Variants in FBXL17 observed in about 807,000 individuals in gnomAD.
The protein encoded by FBXL17 is F-box/LRR-repeat protein 17.
A neutral mutation model predicts 66.2 loss-of-function variants in FBXL17; 22 were observed. The ratio of observed to expected loss-of-function variants is 0.33; its 90% CI spans 0.24 to 0.47. The LOEUF is 0.47. Ranked by LOEUF, FBXL17 falls within the 20% of genes least tolerant of loss-of-function variation. FBXL17 has a pLI of 1.00. For synonymous variants in FBXL17, 474 were observed against 400.5 expected, an observed-to-expected ratio of 1.18 and a Z score of -2.19; for missense variants, 878 against 948.2, an observed-to-expected ratio of 0.93 and a Z score of 0.97.
At chr5:108,005,906 G>A (rs1348427414) in intron 7 of FBXL17, among the ~76,000 whole-genome samples, 1 of 152,136 alleles carries the variant, frequency 6.6e-6, no homozygotes, top group East Asian at 1.9e-4. Context: ...CCTTATACTT[G>A]AGCCTTCATC....
At chr5:108,160,979 GAGA>G (rs1752188765) in intron 6 of FBXL17, among the ~76,000 whole-genome samples, 1 of 152,114 alleles carries the variant, frequency 6.6e-6, no homozygotes, top group Non-Finnish European at 1.5e-5. Context: ...TTGGGCCTCT[GAGA>G]AGGTCAACTA....
At chr5:108,132,143 A>G (rs146384429) in intron 6 of FBXL17, among the ~76,000 whole-genome samples, 1,987 of 152,022 alleles carry the variant, frequency 0.013, 40 homozygotes, top group African/African-American at 0.044. Context: ...CGCCCAGCTA[A>G]TTTTGTATTT....
intron 6 of FBXL17, among the ~76,000 whole-genome samples, chr5:108,072,153 C>A (rs997750718): frequency 6.6e-6 from 1 of 152,058 alleles, no homozygotes; most frequent in African/African-American, 2.4e-5. Flanking sequence ...TATGTTTATG[C>A]CAGCAACACT....
chr5:108,361,539 C>G (rs982474773), intron 3 of FBXL17, among the ~76,000 whole-genome samples: 1 of 151,990 alleles, frequency 6.6e-6, no homozygotes, highest in African/African-American at 2.4e-5. Context: ...GGCATGCATG[C>G]GGCTTTCAAA....
At chr5:107,924,060 G>GT (rs34494908) in intron 7 of FBXL17, among the ~76,000 whole-genome samples, 1,752 of 107,498 alleles carry the variant, frequency 0.016, 17 homozygotes, top group African/African-American at 0.035. Context: ...TGAGCTTAGT[G>GT]TTTTTTTTTT....
At chr5:108,160,471 C>G (rs1014718919) in intron 6 of FBXL17, among the ~76,000 whole-genome samples, 1 of 152,130 alleles carries the variant, frequency 6.6e-6, no homozygotes, top group Admixed American at 6.5e-5. Flanking sequence ...GAAGAAAGTT[C>G]TCAGTTAGTA....
intron 1 of FBXL17, among the ~76,000 whole-genome samples, chr5:108,376,276 G>GGCTAGA (rs1749416345): frequency 6.6e-6 from 1 of 152,062 alleles, no homozygotes; most frequent in South Asian, 2.1e-4. Context: ...TTCTGGCTAG[G>GGCTAGA]GCAATTAGAC....
At chr5:107,946,305 A>G (rs1463537986) in intron 7 of FBXL17, among the ~76,000 whole-genome samples, 1 of 88,814 alleles carries the variant, frequency 1.1e-5, no homozygotes, top group Non-Finnish European at 2.2e-5. Context: ...ATATATATAT[A>G]TATATTAGTG....
intron 4 of FBXL17, among the ~76,000 whole-genome samples, chr5:108,285,205 C>G (rs898889092): frequency 6.6e-6 from 1 of 151,804 alleles, no homozygotes. Context: ...CTATTTCTAC[C>G]AGATCTACAG....
intron 7 of FBXL17, among the ~76,000 whole-genome samples, chr5:107,985,451 C>T (rs1049224968): frequency 7.2e-5 from 11 of 152,034 alleles, no homozygotes; most frequent in Admixed American, 5.9e-4. Context: ...CCTTGGAGAA[C>T]ATTCTGTCTT....
chr5:108,108,232 T>C (rs115919385), intron 6 of FBXL17, among the ~76,000 whole-genome samples: 1,669 of 152,332 alleles, frequency 0.011, 40 homozygotes, highest in African/African-American at 0.038. Flanking sequence ...TTACCAACTA[T>C]GTGATGTAAA....
At chr5:108,065,226 G>A (rs1217576715) in intron 6 of FBXL17, among the ~76,000 whole-genome samples, 1 of 152,050 alleles carries the variant, frequency 6.6e-6, no homozygotes, top group Non-Finnish European at 1.5e-5. Context: ...CCTTTAATAA[G>A]AGCATAGCAT....
intron 6 of FBXL17, among the ~76,000 whole-genome samples, chr5:108,165,032 T>C (rs1580540356): frequency 6.6e-6 from 1 of 152,312 alleles, no homozygotes; most frequent in East Asian, 1.9e-4. Context: ...TTCGATTTCA[T>C]GAAATTATTC....
At chr5:108,370,265 G>C (rs1748940312) in intron 1 of FBXL17, among the ~76,000 whole-genome samples, 1 of 152,050 alleles carries the variant, frequency 6.6e-6, no homozygotes, top group African/African-American at 2.4e-5. Flanking sequence ...ATTAGTCAAG[G>C]ATTTGTTGTA....
intron 7 of FBXL17, among the ~76,000 whole-genome samples, chr5:107,911,929 AC>A (rs1749960340): frequency 6.6e-6 from 1 of 152,172 alleles, no homozygotes; most frequent in African/African-American, 2.4e-5. Flanking sequence ...GTTATACTTC[AC>A]TAGTAATAAG....
intron 6 of FBXL17, among the ~76,000 whole-genome samples, chr5:108,136,028 A>C (rs79066914): frequency 0.035 from 5,400 of 152,152 alleles, 324 homozygotes; most frequent in African/African-American, 0.12. Context: ...TCAAAATAGG[A>C]GGAAAAAAGT....
intron 7 of FBXL17, among the ~76,000 whole-genome samples, chr5:107,915,465 G>C (rs1021026308): frequency 1.3e-5 from 2 of 152,166 alleles, no homozygotes; most frequent in African/African-American, 2.4e-5. Flanking sequence ...TAGGGGACTG[G>C]TTTATTCTTT....
chr5:108,098,974 T>C (rs749534306), intron 6 of FBXL17, among the ~76,000 whole-genome samples: 5 of 152,176 alleles, frequency 3.3e-5, no homozygotes, highest in Non-Finnish European at 5.9e-5. Context: ...TGAATTGCTA[T>C]ATTCAAGAAA....
At chr5:108,047,054 TG>T (rs944822204) in intron 6 of FBXL17, among the ~76,000 whole-genome samples, 41 of 152,180 alleles carry the variant, frequency 2.7e-4, no homozygotes, top group African/African-American at 9.9e-4. Flanking sequence ...GCAGGGGCAA[TG>T]GGAGGCTACC....
Sources: allele counts gnomAD v4.1 joint callset (sites outside exome capture counted in the v4.1 genomes callset), GRCh38; gene constraint gnomAD v4.1.1; transcripts MANE v1.5; gene names NCBI Gene and HGNC (gene_info 2026-07-23, HGNC 2026-07-21).